Variants in TPST2 observed in about 807,000 individuals in gnomAD.
TPST2 encodes tyrosylprotein sulfotransferase 2.
In TPST2, 16 loss-of-function variants were observed where a neutral mutation model predicts 27.8. The ratio of observed to expected loss-of-function variants is 0.58; its 90% CI spans 0.39 to 0.88. The LOEUF (loss-of-function observed/expected upper bound fraction) is 0.88. Among genes scored for constraint, TPST2 ranks in the 40% least tolerant of loss-of-function variants. The probability of loss-of-function intolerance (pLI) is 0.00; values close to 1 mark genes in which losing one functional copy is unlikely to be tolerated. For synonymous variants in TPST2, 229 were observed against 231.7 expected, an observed-to-expected ratio of 0.99 and a Z score of 0.10; for missense variants, 464 against 543.1, an observed-to-expected ratio of 0.85 and a Z score of 1.45.
intron 1 of TPST2, among the ~76,000 whole-genome samples, chr22:26,575,663 A>T (rs1046895977): frequency 6.6e-6 from 1 of 152,190 alleles, no homozygotes; most frequent in East Asian, 1.9e-4. Context: ...GAATCCTCAC[A>T]AAAACCCGCT....
At position 26,541,273 on chromosome 22, in the gene TPST2, T is replaced by G; in HGVS notation, c.358A>C (p.Lys120Gln). The change falls in exon 3 of 7, where the codon AAG becomes CAG. Residue 120 changes from lysine to glutamine, a missense_variant. Transcript: ENST00000338754. This position sits in a 1 kb window ranked among gnomAD's most constrained non-coding sequence, Gnocchi z 5.9. ...ACCCCCGCCTCATCCAGCCGCAGCT[T>G]CTCACGGCCAGACTTGGACCAGGCC... The part of the protein sequence containing the change: ...RQAWSKSGRE[K>Q]LRLDEAGVTD... 1 of 1,537,304 alleles carries G rather than the reference T, an allele frequency of 6.5e-7. No homozygotes were observed. Among genetic ancestry groups the G allele is most frequent in the Non-Finnish European group, 8.8e-7 (1 of 1,140,322 alleles).
rs1277366196 is a variant in TPST2 at position 26,541,050 on chromosome 22, G to A, written c.581C>T (p.Thr194Met). The stretch of plus-strand genomic sequence containing the variant: ...AAAGCCCGCAATGGTGACTTTGCGC[G>A]TGATCATGGAGTGCACGGAGGCCCG... Reference protein sequence around the residue: ...DGRASVHSMITRKVTIAGFDL... With the variant: ...DGRASVHSMIMRKVTIAGFDL... The change falls in exon 3 of 7, where the codon ACG becomes ATG. Residue 194 changes from threonine (T) to methionine (M), a missense_variant. Transcript: ENST00000338754. The surrounding 1 kb of genome is among the most constrained non-coding windows in gnomAD (Gnocchi z 5.9). 7 of 1,613,752 alleles carry A rather than the reference G, an allele frequency of 4.3e-6. No homozygotes were observed. The highest frequency in any genetic ancestry group is 2.2e-5 in the South Asian group (2 of 91,090).
intron 6 of TPST2, among the ~76,000 whole-genome samples, chr22:26,527,194 G>A (rs1331325176): frequency 6.6e-6 from 1 of 152,208 alleles, no homozygotes; most frequent in Non-Finnish European, 1.5e-5. Context: ...TATGCTGATT[G>A]TTTAAAAATA....
intron 1 of TPST2, among the ~76,000 whole-genome samples, chr22:26,556,869 A>C (rs1306227363): frequency 1.3e-5 from 2 of 152,188 alleles, no homozygotes; most frequent in African/African-American, 4.8e-5. Flanking sequence ...GATTTGCACC[A>C]GAAACACTTG....
At chr22:26,583,243 T>G (rs1164166139) in intron 1 of TPST2, among the ~76,000 whole-genome samples, 1 of 151,212 alleles carries the variant, frequency 6.6e-6, no homozygotes, top group African/African-American at 2.4e-5. Context: ...AAGACCAGCC[T>G]GGCCAACAGG....
At chr22:26,539,054 A>C (rs1175982013) in intron 3 of TPST2, among the ~76,000 whole-genome samples, 1 of 152,200 alleles carries the variant, frequency 6.6e-6, no homozygotes, top group Non-Finnish European at 1.5e-5. Context: ...TTCTATAGTC[A>C]AGATGTATTA....
intron 4 of TPST2, 58 bp from the exon 5 acceptor site, chr22:26,532,803 G>A (rs1925243185): frequency 1.9e-6 from 3 of 1,560,020 alleles, no homozygotes; most frequent in Non-Finnish European, 2.6e-6. Flanking sequence ...ATAAAATTTA[G>A]TCATTCCCAA....
At chr22:26,526,758 A>T (rs534634977) in intron 6 of TPST2, among the ~76,000 whole-genome samples, 5 of 152,300 alleles carry the variant, frequency 3.3e-5, no homozygotes, top group African/African-American at 9.6e-5. Flanking sequence ...GTTTTTCATG[A>T]GAGGGTTCTT....
intron 1 of TPST2, chr22:26,561,206 A>C: frequency 6.5e-7 from 1 of 1,548,726 alleles, no homozygotes; most frequent in Non-Finnish European, 8.6e-7. Flanking sequence ...TAAAGCATTT[A>C]ACCCCCCTGT....
intron 1 of TPST2, among the ~76,000 whole-genome samples, chr22:26,571,665 GTC>G (rs1445426018): frequency 6.6e-6 from 1 of 152,100 alleles, no homozygotes; most frequent in Non-Finnish European, 1.5e-5. Context: ...TTCTCCACTA[GTC>G]TGTCACTTGG....
intron 3 of TPST2, among the ~76,000 whole-genome samples, chr22:26,539,604 A>G (rs1361385919): frequency 2.4e-5 from 3 of 125,770 alleles, no homozygotes; most frequent in East Asian, 2.0e-4. Context: ...CTCTACTAGG[A>G]AAAAAAAAAA....
intron 1 of TPST2, among the ~76,000 whole-genome samples, chr22:26,551,877 CTTTTTCTTTTTTTT>C (rs1353641946): frequency 2.4e-4 from 26 of 110,464 alleles, no homozygotes; most frequent in African/African-American, 9.3e-4. Flanking sequence ...CTTTTCTTTT[CTTTTTCTTTTTTTT>C]TTTTTTTTTT....
chr22:26,530,480 CTT>C (rs1925090462), intron 5 of TPST2, among the ~76,000 whole-genome samples: 1 of 152,052 alleles, frequency 6.6e-6, no homozygotes, highest in African/African-American at 2.4e-5. Flanking sequence ...TTCTGCCTCT[CTT>C]CTGTTGGGTA....
intron 1 of TPST2, among the ~76,000 whole-genome samples, chr22:26,577,147 C>G (rs1927875820): frequency 6.8e-6 from 1 of 146,536 alleles, no homozygotes; most frequent in South Asian, 2.2e-4. Flanking sequence ...GTGGTGCATA[C>G]TTGTAGTCCC....
intron 5 of TPST2, among the ~76,000 whole-genome samples, chr22:26,530,743 C>T (rs1275716495): frequency 6.6e-6 from 1 of 152,110 alleles, no homozygotes; most frequent in Admixed American, 6.6e-5. Flanking sequence ...GGAGCAGTGG[C>T]TCACGCCTGT....
intron 1 of TPST2, among the ~76,000 whole-genome samples, chr22:26,567,243 C>T (rs1324822415): frequency 1.3e-5 from 2 of 152,238 alleles, no homozygotes; most frequent in Admixed American, 1.3e-4. Context: ...GGAAGCTTTC[C>T]ACAATGCCTT....
intron 1 of TPST2, among the ~76,000 whole-genome samples, chr22:26,549,771 CTA>C (rs977928786): frequency 6.7e-6 from 1 of 150,302 alleles, no homozygotes; most frequent in African/African-American, 2.4e-5. Flanking sequence ...TGACTCACAC[CTA>C]TAATCCCAGC....
chr22:26,536,340 T>G lies in TPST2; in HGVS notation c.989A>C (p.Asn330Thr), dbSNP rs780324642. 2.5e-6 allele frequency: 4 copies of G among 1,613,930 alleles called. No homozygotes were observed. Among genetic ancestry groups the G allele is most frequent in the Non-Finnish European group, 2.5e-6 (3 of 1,179,926 alleles). ...LAQLGYDPYA[N>T]PPNYGNPDPF... Reference sequence around the variant, plus strand: ...GTCAGGGTTGCCATAGTTGGGGGGGTTTGCATAAGGGTCATAGCCGAGCTG... The same window carrying G: ...GTCAGGGTTGCCATAGTTGGGGGGGGTTGCATAAGGGTCATAGCCGAGCTG... The change falls in exon 4 of 7, where the codon AAC becomes ACC. Residue 330 changes from asparagine to threonine, a missense_variant. Transcript: ENST00000338754.
intron 4 of TPST2, among the ~76,000 whole-genome samples, chr22:26,534,515 A>C (rs1051892914): frequency 5.3e-5 from 8 of 152,224 alleles, no homozygotes; most frequent in Non-Finnish European, 8.8e-5. Context: ...GTGTTTTATA[A>C]AATACATAAA....
Sources: allele counts gnomAD v4.1 joint callset (sites outside exome capture counted in the v4.1 genomes callset), GRCh38; gene constraint gnomAD v4.1.1; non-coding constraint Gnocchi (gnomAD v3.1); transcripts MANE v1.5; gene names NCBI Gene and HGNC (gene_info 2026-07-23, HGNC 2026-07-21).